LEPR: variants seen among roughly 807,000 people sequenced by gnomAD.
LEPR encodes the protein leptin receptor.
LEPR carries 56 observed loss-of-function variants against 114.7 expected under a neutral mutation model. The observed-to-expected ratio is 0.49, with a 90% CI of 0.39 to 0.61. The LOEUF (loss-of-function observed/expected upper bound fraction) is 0.61, where lower values mean the gene tolerates loss of function less well. Among genes scored for constraint, LEPR ranks in the 20% least tolerant of loss-of-function variants. The pLI is 0.00. For synonymous variants in LEPR, 443 were observed against 461.4 expected, an observed-to-expected ratio of 0.96 and a Z score of 0.51; for missense variants, 1,202 against 1,352.9, an observed-to-expected ratio of 0.89 and a Z score of 1.75.
At chr1:65,507,427 T>A (rs1648787744) in intron 2 of LEPR, among the ~76,000 whole-genome samples, 1 of 136,580 alleles carries the variant, frequency 7.3e-6, no homozygotes, top group Non-Finnish European at 1.6e-5. Context: ...AAATGCTGAA[T>A]AGTATTCCAT....
chr1:65,516,300 C>G (rs574344178), intron 2 of LEPR, among the ~76,000 whole-genome samples: 90 of 152,060 alleles, frequency 5.9e-4, no homozygotes, highest in Admixed American at 1.1e-3. Context: ...CCGGATTAGC[C>G]CGGCGTGGTG....
chr1:65,511,201 C>T (rs1649013573), intron 2 of LEPR, among the ~76,000 whole-genome samples: 1 of 152,118 alleles, frequency 6.6e-6, no homozygotes, highest in Non-Finnish European at 1.5e-5. Context: ...GACTGGCAAC[C>T]CAGTGTGTCC....
chr1:65,423,429 TGGTATCAGAACA>T (rs1016036696), intron 1 of LEPR, among the ~76,000 whole-genome samples: 1 of 152,032 alleles, frequency 6.6e-6, no homozygotes, highest in Non-Finnish European at 1.5e-5. Flanking sequence ...GTTGAGAAAC[TGGTATCAGAACA>T]GAAGGAAGAG....
chr1:65,572,304 T>G (rs758252708), intron 4 of LEPR, 22 bp from the exon 5 acceptor site: 84 of 1,442,388 alleles, frequency 5.8e-5, no homozygotes, highest in Admixed American at 3.5e-4. Flanking sequence ...TTTTTTTTTT[T>G]TTTTTTTTTT....
intron 19 of LEPR, among the ~76,000 whole-genome samples, chr1:65,624,448 A>G (rs1185215128): frequency 5.3e-5 from 8 of 152,170 alleles, no homozygotes. Flanking sequence ...AGCCTGTTCT[A>G]ATAGCAGCTG....
At chr1:65,632,498 G>A (rs1237294629) in intron 19 of LEPR, among the ~76,000 whole-genome samples, 1 of 152,064 alleles carries the variant, frequency 6.6e-6, no homozygotes, top group Admixed American at 6.6e-5. Context: ...TTGTGTTTGG[G>A]ACAACCTTTC....
chr1:65,461,339 A>G (rs1646943455), intron 2 of LEPR, among the ~76,000 whole-genome samples: 2 of 152,126 alleles, frequency 1.3e-5, no homozygotes, highest in South Asian at 2.1e-4. Context: ...AGAAGTGGTC[A>G]ATTCTAGCAC....
intron 2 of LEPR, among the ~76,000 whole-genome samples, chr1:65,500,915 C>T (rs1648416571): frequency 6.6e-6 from 1 of 152,110 alleles, no homozygotes; most frequent in Non-Finnish European, 1.5e-5. Flanking sequence ...ATACTTTGGA[C>T]AGAAGTGATT....
At chr1:65,545,306 C>A (rs917070145) in intron 2 of LEPR, among the ~76,000 whole-genome samples, 5 of 151,918 alleles carry the variant, frequency 3.3e-5, no homozygotes, top group Admixed American at 2.0e-4. Context: ...ATTTATAGTC[C>A]TTTGGGTATA....
chr1:65,543,245 G>C (rs1412642437), intron 2 of LEPR, among the ~76,000 whole-genome samples: 2 of 151,898 alleles, frequency 1.3e-5, no homozygotes, highest in East Asian at 1.9e-4. Flanking sequence ...ATGTTTGTTG[G>C]ACACATAAAT....
At chr1:65,480,047 G>A (rs1012515286) in intron 2 of LEPR, among the ~76,000 whole-genome samples, 2 of 152,176 alleles carry the variant, frequency 1.3e-5, no homozygotes, top group Admixed American at 6.5e-5. Context: ...TAGAATGCGA[G>A]CAGTGCCTGT....
chr1:65,585,922 G>C (rs1655283472), intron 5 of LEPR, among the ~76,000 whole-genome samples: 1 of 151,960 alleles, frequency 6.6e-6, no homozygotes, highest in Non-Finnish European at 1.5e-5. Context: ...ACACAAACTT[G>C]GGAAACTCCT....
chr1:65,564,814 T>C (rs1471682847), intron 2 of LEPR, among the ~76,000 whole-genome samples: 1 of 152,146 alleles, frequency 6.6e-6, no homozygotes, highest in Non-Finnish European at 1.5e-5. Context: ...CAGGTAGGTT[T>C]TCATCCAAAG....
intron 2 of LEPR, among the ~76,000 whole-genome samples, chr1:65,530,967 C>T (rs202069668): frequency 5.6e-5 from 1 of 17,818 alleles, no homozygotes; most frequent in South Asian, 4.4e-3. Flanking sequence ...CTCTTCAATA[C>T]ATTCTCAAAA....
In LEPR at chr1:65,616,002, C is replaced by T; in HGVS notation, c.1996-6C>T. The T allele has an allele frequency of 6.2e-7, 1 of 1,614,036 alleles. No individual in the cohort carries two copies. Among genetic ancestry groups the T allele is most frequent in the Middle Eastern group, 1.6e-4 (1 of 6,062 alleles). On this transcript the variant is annotated splice_region_variant and splice_polypyrimidine_tract_variant and intron_variant, in intron 14 of 19. Transcript: ENST00000349533. ...TTAAACTAATCAATTTCTATATTTA[C>T]TACAGCCCCTGATGAAAAATGACTC...
At chr1:65,541,192 A>G (rs1483860641) in intron 2 of LEPR, among the ~76,000 whole-genome samples, 1 of 152,186 alleles carries the variant, frequency 6.6e-6, no homozygotes, top group Non-Finnish European at 1.5e-5. Context: ...AAATTAATAA[A>G]ATGTTATTTC....
chr1:65,476,559 C>T (rs1451338961), intron 2 of LEPR, among the ~76,000 whole-genome samples: 1 of 152,008 alleles, frequency 6.6e-6, no homozygotes, highest in Non-Finnish European at 1.5e-5. Context: ...GATAATCCAC[C>T]CTCTGACCTT....
chr1:65,635,330 G>A, intron 19 of LEPR: 1 of 983,556 alleles, frequency 1.0e-6, no homozygotes, highest in Non-Finnish European at 1.2e-6. Flanking sequence ...TGTTTACATT[G>A]TATGAATTGA....
rs1465868556 is a variant in LEPR at position 65,621,415 on chromosome 1, T to G, written c.2554T>G (p.Ser852Ala). 9 of 1,613,422 alleles carry G rather than the reference T, an allele frequency of 5.6e-6. No individual in the cohort carries two copies. Among genetic ancestry groups the G allele is most frequent in the Non-Finnish European group, 7.6e-6 (9 of 1,179,602 alleles). ...LYVIVPVIIS[S>A]SILLLGTLLI... Reference sequence around the variant, plus strand: ...TGTAATTGTGCCAGTAATTATTTCCTCTTCCATCTTATTGCTTGGAACATT... The same window carrying G: ...TGTAATTGTGCCAGTAATTATTTCCGCTTCCATCTTATTGCTTGGAACATT... The change falls in exon 18 of 20, where the codon TCT becomes GCT. Residue 852 changes from serine to alanine, a missense_variant. Ser to Ala is a moderately conservative substitution (Grantham distance 99). Coordinates refer to ENST00000349533, the MANE Select transcript of LEPR (RefSeq NM_002303.6).
Sources: allele counts gnomAD v4.1 joint callset (sites outside exome capture counted in the v4.1 genomes callset), GRCh38; gene constraint gnomAD v4.1.1; transcripts MANE v1.5; gene names NCBI Gene and HGNC (gene_info 2026-07-23, HGNC 2026-07-21).